DAB1: variants seen among roughly 807,000 people sequenced by gnomAD.
DAB1 encodes the protein DAB adaptor protein 1.
Under a neutral mutation model 64.6 loss-of-function variants are expected in DAB1, and 15 were observed. The ratio of observed to expected loss-of-function variants is 0.23; its 90% confidence interval spans 0.16 to 0.36. The LOEUF is 0.36. DAB1 is among the 10% of genes least tolerant of loss of function. The probability of loss-of-function intolerance (pLI) is 1.00; values close to 1 mark genes in which losing one functional copy is unlikely to be tolerated. For missense variants in DAB1, 596 were observed against 706.7 expected (o/e 0.84, Z 1.78); for synonymous variants, 235 against 251.9 (o/e 0.93, Z 0.64).
chr1:58,368,914 T>C (rs1430664723), intron 3 of DAB1, among the ~76,000 whole-genome samples: 1 of 152,120 alleles, frequency 6.6e-6, no homozygotes, highest in Non-Finnish European at 1.5e-5. Flanking sequence ...GTGGTCCCAG[T>C]TACTTGGGGG....
At chr1:57,303,784 A>G (rs1258034337) in intron 1 of DAB1, among the ~76,000 whole-genome samples, 1 of 152,216 alleles carries the variant, frequency 6.6e-6, no homozygotes, top group African/African-American at 2.4e-5. Flanking sequence ...AGTGGGAACA[A>G]CATGATACCT....
intron 5 of DAB1, among the ~76,000 whole-genome samples, chr1:58,089,770 G>A (rs548429120): frequency 6.6e-6 from 1 of 152,298 alleles, no homozygotes; most frequent in African/African-American, 2.4e-5. Context: ...TTAAAGAAGG[G>A]GCACTCTACA....
chr1:58,429,886 G>C (rs706424), intron 3 of DAB1, among the ~76,000 whole-genome samples: 22,177 of 152,166 alleles, frequency 0.15, 2,156 homozygotes, highest in East Asian at 0.29. Context: ...CTGGAGGCTG[G>C]AAAGTCCAAG....
chr1:57,006,951 G>A (rs926179581), intron 14 of DAB1, among the ~76,000 whole-genome samples: 10 of 152,092 alleles, frequency 6.6e-5, no homozygotes, highest in Admixed American at 5.9e-4. Flanking sequence ...GTAGAAATCA[G>A]ACCTAAGGCC....
At chr1:57,345,017 G>A (rs1313026027) in intron 1 of DAB1, among the ~76,000 whole-genome samples, 1 of 152,208 alleles carries the variant, frequency 6.6e-6, no homozygotes, top group African/African-American at 2.4e-5. Flanking sequence ...CAGAGACCCA[G>A]ACAGTCTTGT....
chr1:57,490,585 T>G (rs1252496835), intron 7 of DAB1, among the ~76,000 whole-genome samples: 1 of 152,204 alleles, frequency 6.6e-6, no homozygotes, highest in Non-Finnish European at 1.5e-5. Flanking sequence ...TAAACCCTCA[T>G]GCTACGTAGT....
At chr1:57,717,865 C>G (rs1048645883) in intron 6 of DAB1, among the ~76,000 whole-genome samples, 5 of 151,984 alleles carry the variant, frequency 3.3e-5, no homozygotes, top group African/African-American at 1.2e-4. Context: ...TGGGAAATAA[C>G]TCATGCAAAG....
At chr1:57,058,082 A>G (rs1447076722) in intron 9 of DAB1, among the ~76,000 whole-genome samples, 2 of 152,190 alleles carry the variant, frequency 1.3e-5, no homozygotes, top group African/African-American at 4.8e-5. Flanking sequence ...CCTGCCAAGG[A>G]AGCAAGATGT....
intron 7 of DAB1, among the ~76,000 whole-genome samples, chr1:57,474,185 T>C (rs17115854): frequency 0.021 from 3,176 of 152,306 alleles, 113 homozygotes; most frequent in East Asian, 0.17. Context: ...CTGGAGAACT[T>C]GTACTTTTTA....
At chr1:57,807,620 T>C (rs1651423301) in intron 6 of DAB1, among the ~76,000 whole-genome samples, 1 of 152,204 alleles carries the variant, frequency 6.6e-6, no homozygotes. Context: ...AAATGCATAA[T>C]TGACCTTTGA....
chr1:58,039,449 A>T (rs1231570322), intron 5 of DAB1, among the ~76,000 whole-genome samples: 7 of 152,146 alleles, frequency 4.6e-5, no homozygotes, highest in African/African-American at 1.4e-4. Flanking sequence ...GCACCCCCAC[A>T]AGGCATGGCA....
intron 3 of DAB1, among the ~76,000 whole-genome samples, chr1:58,350,412 A>T (rs1009293945): frequency 1.3e-5 from 2 of 152,118 alleles, no homozygotes; most frequent in African/African-American, 4.8e-5. Context: ...TAGGTTGCCT[A>T]TTCACTCTGA....
At chr1:58,060,616 G>A (rs1648434959) in intron 5 of DAB1, among the ~76,000 whole-genome samples, 1 of 152,074 alleles carries the variant, frequency 6.6e-6, no homozygotes, top group Non-Finnish European at 1.5e-5. Flanking sequence ...TGCCCTTTCT[G>A]CACCCTCTGT....
At chr1:57,891,428 A>T (rs548733882) in intron 5 of DAB1, among the ~76,000 whole-genome samples, 9 of 152,302 alleles carry the variant, frequency 5.9e-5, no homozygotes, top group Admixed American at 3.3e-4. Flanking sequence ...AATTAGTTCA[A>T]CCATTGTGGA....
chr1:58,448,180 T>G (rs1035514501), intron 3 of DAB1, among the ~76,000 whole-genome samples: 3 of 152,166 alleles, frequency 2.0e-5, no homozygotes, highest in African/African-American at 7.2e-5. Flanking sequence ...TGGCCAGAAT[T>G]TCAACACATG....
At chr1:58,468,844 A>C (rs1211326739) in intron 3 of DAB1, 1 of 178,464 alleles carries the variant, frequency 5.6e-6, no homozygotes, top group Non-Finnish European at 1.1e-5. Context: ...ATGGGCCTGA[A>C]GGTGTGACAG....
intron 6 of DAB1, among the ~76,000 whole-genome samples, chr1:57,754,988 G>A (rs553604804): frequency 6.7e-6 from 1 of 149,850 alleles, no homozygotes; most frequent in Non-Finnish European, 1.5e-5. Context: ...TGAATGACCA[G>A]TTTACAAAAA....
chr1:58,067,127 C>T (rs1648903316), intron 5 of DAB1, among the ~76,000 whole-genome samples: 1 of 152,188 alleles, frequency 6.6e-6, no homozygotes, highest in South Asian at 2.1e-4. Context: ...TACACACTTC[C>T]TTTTTCCTTT....
chr1:58,021,186 A>G (rs1361980866), intron 5 of DAB1, among the ~76,000 whole-genome samples: 1 of 152,188 alleles, frequency 6.6e-6, no homozygotes, highest in East Asian at 1.9e-4. Flanking sequence ...ACTGGTTTGA[A>G]CCCAGCATGG....
Sources: gnomAD v4.1 joint callset for allele counts (sites outside exome capture counted in the v4.1 genomes callset) on GRCh38, gnomAD v4.1.1 for gene constraint, MANE v1.5 for transcripts, NCBI Gene and HGNC (gene_info 2026-07-23, HGNC 2026-07-21) for gene names.